The following ARID4B variants were observed in gnomAD, a reference collection of about 807,000 sequenced individuals.
ARID4B encodes the protein AT-rich interactive domain-containing protein 4B.
In ARID4B, 26 loss-of-function variants were observed where a neutral mutation model predicts 147.5. The observed-to-expected ratio is 0.18, with a 90% confidence interval of 0.13 to 0.24. The LOEUF is 0.24. ARID4B is among the 10% of genes least tolerant of loss of function. The probability of loss-of-function intolerance (pLI) is 1.00; values close to 1 mark genes in which losing one functional copy is unlikely to be tolerated. For synonymous variants in ARID4B, 512 were observed against 507.9 expected (o/e 1.01, Z -0.11); for missense variants, 1,179 against 1,511.5 (o/e 0.78, Z 3.65).
intron 9 of ARID4B, among the ~76,000 whole-genome samples, chr1:235,234,069 A>C (rs1668408884): frequency 6.6e-6 from 1 of 152,156 alleles, no homozygotes; most frequent in Non-Finnish European, 1.5e-5. Context: ...ACAGAGTGAG[A>C]CTCCGTCTCA....
chr1:235,174,270 A>T (rs1473334149), intron 22 of ARID4B, among the ~76,000 whole-genome samples: 2 of 151,336 alleles, frequency 1.3e-5, no homozygotes, highest in African/African-American at 2.4e-5. Context: ...CGAACTCCTG[A>T]CCTCGTGATC....
chr1:235,283,081 T>G (rs1232566570), intron 2 of ARID4B, among the ~76,000 whole-genome samples: 1 of 152,252 alleles, frequency 6.6e-6, no homozygotes, highest in Non-Finnish European at 1.5e-5. Flanking sequence ...TGGCCGATAC[T>G]ACTTCATTTT....
At chr1:235,273,085 T>C (rs1234009282) in intron 2 of ARID4B, among the ~76,000 whole-genome samples, 1 of 152,176 alleles carries the variant, frequency 6.6e-6, no homozygotes, top group Non-Finnish European at 1.5e-5. Context: ...ATTTACAGGC[T>C]AGAGTGCAGT....
Position 235,234,486 on chromosome 1 carries a change from A to T in ARID4B, c.592T>A (p.Cys198Ser), listed in dbSNP as rs1377159029. The change falls in exon 9 of 24, where the codon TGT becomes AGT. Residue 198 changes from cysteine (C) to serine (S), a missense_variant. Cys to Ser is a moderately radical substitution (Grantham distance 112). Coordinates refer to ENST00000264183, the MANE Select transcript of ARID4B (RefSeq NM_016374.6). ...KALWFPALVV[C>S]PDCSDEIAVK... ...GCAATCTCATCACTACAATCAGGAC[A>T]AACCACCTTTTAAGAAAAAGGGTGA... 6.2e-7 allele frequency: 1 copy of T among 1,602,176 alleles called. No individual in the cohort carries two copies. The highest frequency in any genetic ancestry group is 8.5e-7 in the Non-Finnish European group (1 of 1,171,572).
intron 5 of ARID4B, among the ~76,000 whole-genome samples, chr1:235,255,267 A>AGATCTATCTATCTATCTATCTATC (rs1553304359): frequency 0.015 from 2,030 of 137,182 alleles, 55 homozygotes; most frequent in South Asian, 0.039. Flanking sequence ...AGATAGATAT[A>AGATCTATCTATCTATCTATCTATC]TATCTCTCTC....
In ARID4B at chr1:235,236,426, T is replaced by A. The variant is rs563159362; in HGVS notation, c.586-1934A>T. On this transcript the variant is annotated intron_variant, in intron 8 of 23. Coordinates refer to ENST00000264183, the MANE Select transcript of ARID4B (RefSeq NM_016374.6). ...TGATTATGGTGTGAGAAGCTTAAAT[T>A]AATAACTCAAAACACTAATATTAAA... Among the ~76,000 whole-genome samples, 8 of 152,104 alleles carry A rather than the reference T, an allele frequency of 5.3e-5. No individual in the cohort carries two copies. In the South Asian group the frequency reaches 1.7e-3, roughly 32 times the overall value.
intron 19 of ARID4B, among the ~76,000 whole-genome samples, chr1:235,186,348 C>T (rs913950591): frequency 6.6e-5 from 10 of 152,020 alleles, no homozygotes; most frequent in African/African-American, 2.2e-4. Context: ...TCCATCACTG[C>T]TCTTTTAAAC....
intron 2 of ARID4B, among the ~76,000 whole-genome samples, chr1:235,275,816 C>T (rs1671279485): frequency 6.6e-6 from 1 of 152,190 alleles, no homozygotes; most frequent in South Asian, 2.1e-4. Flanking sequence ...TTCCAGTTTA[C>T]ATTTTTAAGC....
chr1:235,266,815 G>T (rs1261352379), intron 2 of ARID4B, among the ~76,000 whole-genome samples: 2 of 152,192 alleles, frequency 1.3e-5, no homozygotes, highest in African/African-American at 4.8e-5. Context: ...GGCTAACACA[G>T]ACACTGACTA....
At chr1:235,268,715 A>C (rs1457002201) in intron 2 of ARID4B, among the ~76,000 whole-genome samples, 1 of 151,968 alleles carries the variant, frequency 6.6e-6, no homozygotes, top group South Asian at 2.1e-4. Context: ...ACGGGATTTC[A>C]CCATGTTGGT....
At position 235,258,867 on chromosome 1, in the gene ARID4B, C is replaced by T. The variant is rs550423032; in HGVS notation, c.118-1642G>A. Among the ~76,000 whole-genome samples the T allele has an allele frequency of 7.9e-5, 12 of 152,186 alleles. No individual in the cohort carries two copies. The South Asian group carries it at 2.5e-3, about 32-fold the overall frequency. On this transcript the variant is annotated intron_variant, in intron 3 of 23. Coordinates refer to ENST00000264183, the MANE Select transcript of ARID4B (RefSeq NM_016374.6). Reference sequence around the variant, plus strand: ...ACTAGGTCTTAACACTAGAGTTTCACCTTTAGATAGAGCTTAGCACATAGT... The same window carrying T: ...ACTAGGTCTTAACACTAGAGTTTCATCTTTAGATAGAGCTTAGCACATAGT...
chr1:235,236,236 AACT>A (rs1457653888), intron 8 of ARID4B, among the ~76,000 whole-genome samples: 1 of 152,166 alleles, frequency 6.6e-6, no homozygotes, highest in Non-Finnish European at 1.5e-5. Context: ...AGTTACCAAA[AACT>A]ATCCATCACC....
chr1:235,218,209 C>G (rs1446198311), intron 16 of ARID4B, among the ~76,000 whole-genome samples: 4 of 152,084 alleles, frequency 2.6e-5, no homozygotes, highest in African/African-American at 9.7e-5. Flanking sequence ...CAAACTAGGG[C>G]AGTCACATCA....
At position 235,177,575 on chromosome 1, in the gene ARID4B, A is replaced by G. The variant is rs187368462; in HGVS notation, c.3448+225T>C. Reference sequence around the variant, plus strand: ...TGTGCCATGTTGGTTTGCTGCACCCATCAACTCATCATTTACATTAGGTAT... The same window carrying G: ...TGTGCCATGTTGGTTTGCTGCACCCGTCAACTCATCATTTACATTAGGTAT... On this transcript the variant is annotated intron_variant, in intron 21 of 23. Coordinates refer to ENST00000264183, the MANE Select transcript of ARID4B (RefSeq NM_016374.6). The G allele has an allele frequency of 4.3e-4, 169 of 396,378 alleles. 1 individual carries two copies. Among genetic ancestry groups the G allele is most frequent in the Middle Eastern group, 2.1e-3 (3 of 1,436 alleles). The allele number at this position is 396,378 out of a possible 1,614,324, so 24.6% of individuals were successfully genotyped here. A position where few individuals can be genotyped will look rare whatever the true frequency, so the allele number is the denominator to read the frequency against.
intron 2 of ARID4B, among the ~76,000 whole-genome samples, chr1:235,314,604 G>A (rs1190886380): frequency 6.6e-6 from 1 of 152,140 alleles, no homozygotes; most frequent in Non-Finnish European, 1.5e-5. Flanking sequence ...TAAGAGAGGG[G>A]ACAAGTAGAT....
At chr1:235,292,882 C>T (rs1672429671) in intron 2 of ARID4B, among the ~76,000 whole-genome samples, 2 of 152,136 alleles carry the variant, frequency 1.3e-5, no homozygotes, top group Admixed American at 1.3e-4. Flanking sequence ...TAGAAATATA[C>T]TGACAGAAGA....
chr1:235,243,047 T>G (rs1669091043), intron 7 of ARID4B, among the ~76,000 whole-genome samples: 1 of 152,154 alleles, frequency 6.6e-6, no homozygotes, highest in African/African-American at 2.4e-5. Context: ...TCTCCTCCCC[T>G]GAGAGAATGT....
intron 20 of ARID4B, chr1:235,180,937 CG>C (rs1163110403): frequency 1.6e-5 from 3 of 192,618 alleles, no homozygotes; most frequent in Non-Finnish European, 2.9e-5. Context: ...GGGAAGGTAC[CG>C]ATTTGAATTT....
At chr1:235,218,099 T>C (rs1294570985) in intron 16 of ARID4B, among the ~76,000 whole-genome samples, 3 of 152,212 alleles carry the variant, frequency 2.0e-5, no homozygotes, top group East Asian at 1.9e-4. Context: ...TGTACTCACC[T>C]GTTTTCAGAC....
Sources: gnomAD v4.1 joint callset for allele counts (sites outside exome capture counted in the v4.1 genomes callset) on GRCh38, gnomAD v4.1.1 for gene constraint, MANE v1.5 for transcripts, NCBI Gene and HGNC (gene_info 2026-07-23, HGNC 2026-07-21) for gene names.